Variants in ORC5 observed in about 807,000 individuals in gnomAD.
The protein encoded by ORC5 is origin recognition complex subunit 5, also known as protein phosphatase 1, regulatory subunit 117.
In ORC5, 39 loss-of-function variants were observed where a neutral mutation model predicts 58.8. The ratio of observed to expected loss-of-function variants is 0.66; its 90% CI spans 0.51 to 0.87. ORC5 has a LOEUF of 0.87. Ranked by LOEUF, ORC5 falls within the 40% of genes least tolerant of loss-of-function variation. The pLI, the probability that ORC5 is intolerant of heterozygous loss-of-function variation, is 0.00. For synonymous variants in ORC5, 218 were observed against 177.6 expected (o/e 1.23, Z -1.81); for missense variants, 493 against 506.3 (o/e 0.97, Z 0.25).
intron 3 of ORC5, among the ~76,000 whole-genome samples, chr7:104,198,019 T>G (rs1189542594): frequency 6.6e-6 from 1 of 152,184 alleles, no homozygotes. Flanking sequence ...ATTGAGAGAA[T>G]GGCTTTATTA....
chr7:104,149,906 A>G (rs1038673089), intron 12 of ORC5, among the ~76,000 whole-genome samples: 7 of 152,228 alleles, frequency 4.6e-5, no homozygotes, highest in Admixed American at 3.9e-4. Context: ...TCTGTGTACA[A>G]TATTTTTAGA....
intron 13 of ORC5, among the ~76,000 whole-genome samples, chr7:104,131,493 T>C (rs946218656): frequency 6.6e-6 from 1 of 152,214 alleles, no homozygotes; most frequent in Admixed American, 6.5e-5. Flanking sequence ...CATTTAAATA[T>C]GCTCAAATCT....
chr7:104,146,451 T>C (rs1184112340), intron 12 of ORC5, among the ~76,000 whole-genome samples: 2 of 152,180 alleles, frequency 1.3e-5, no homozygotes, highest in East Asian at 1.9e-4. Flanking sequence ...CTGTGGTATA[T>C]GTATACCACA....
chr7:104,142,036 A>G (rs1189419845), intron 12 of ORC5, among the ~76,000 whole-genome samples: 1 of 152,184 alleles, frequency 6.6e-6, no homozygotes, highest in African/African-American at 2.4e-5. Flanking sequence ...GTAATGGCAT[A>G]AAAACAGACA....
At chr7:104,173,540 T>G (rs1489076551) in intron 8 of ORC5, among the ~76,000 whole-genome samples, 3 of 152,246 alleles carry the variant, frequency 2.0e-5, no homozygotes, top group African/African-American at 7.2e-5. Flanking sequence ...ACTTTCTGCT[T>G]CCGCAGCTCA....
intron 6 of ORC5, chr7:104,187,943 T>G (rs1313529406): frequency 4.9e-6 from 5 of 1,010,292 alleles, no homozygotes; most frequent in Admixed American, 1.1e-4. Flanking sequence ...TTCCTCATTT[T>G]GATTTTTATG....
chr7:104,164,520 G>A lies in ORC5; in HGVS notation c.1038+715C>T, dbSNP rs567322936. ...TCATCGTAGGCTTTGGAGTCAGGAAGTCCTGGAATTGAGCAAAACTGCCTC... is the reference window on the plus strand; with the variant it reads ...TCATCGTAGGCTTTGGAGTCAGGAAATCCTGGAATTGAGCAAAACTGCCTC... On this transcript the variant is annotated intron_variant, in intron 11 of 13. Coordinates refer to ENST00000297431, the MANE Select transcript of ORC5 (RefSeq NM_002553.4). Among the ~76,000 whole-genome samples the A allele has an allele frequency of 5.7e-4, 87 of 152,324 alleles. 1 individual carries two copies. In the South Asian group the frequency reaches 0.018, roughly 31 times the overall value.
chr7:104,132,441 G>C (rs953376728), intron 13 of ORC5, among the ~76,000 whole-genome samples: 3 of 152,156 alleles, frequency 2.0e-5, no homozygotes, highest in African/African-American at 7.2e-5. Flanking sequence ...TTTGTTCTCT[G>C]CCACAGGTGT....
At chr7:104,183,710 A>C (rs1799482559) in intron 8 of ORC5, among the ~76,000 whole-genome samples, 1 of 152,220 alleles carries the variant, frequency 6.6e-6, no homozygotes, top group Non-Finnish European at 1.5e-5. Flanking sequence ...AGCAAAGAAT[A>C]ATTATCTCAA....
intron 8 of ORC5, among the ~76,000 whole-genome samples, chr7:104,173,845 CTT>C (rs71154394): frequency 1.8e-5 from 2 of 111,100 alleles, no homozygotes; most frequent in Non-Finnish European, 1.8e-5. Context: ...AAAATTTTTT[CTT>C]TTTTTTTTTT....
At chr7:104,156,085 G>T (rs1228929941) in intron 12 of ORC5, among the ~76,000 whole-genome samples, 1 of 151,520 alleles carries the variant, frequency 6.6e-6, no homozygotes, top group Non-Finnish European at 1.5e-5. Flanking sequence ...AGAAAGGAAA[G>T]GAGAAAAGAA....
At chr7:104,188,517 A>T (rs906937578) in intron 5 of ORC5, 136 bp from the exon 6 acceptor site, 4 of 580,206 alleles carry the variant, frequency 6.9e-6, no homozygotes, top group African/African-American at 5.5e-5. Flanking sequence ...AACTATTACA[A>T]GATTAGAATA....
chr7:104,206,274 T>A (rs1800080974), intron 1 of ORC5, among the ~76,000 whole-genome samples: 1 of 152,218 alleles, frequency 6.6e-6, no homozygotes, highest in Non-Finnish European at 1.5e-5. Flanking sequence ...CTTAGAAACA[T>A]GAACCAATTT....
chr7:104,136,452 A>G lies in ORC5; in HGVS notation c.1262+329T>C, dbSNP rs192605659. ...AGTCAGCTAAAAAATTTAGGACTTA[A>G]GCCAGCTCTCTCCCATCTTATTTCA... On this transcript the variant is annotated intron_variant, in intron 13 of 13. Coordinates refer to ENST00000297431, the MANE Select transcript of ORC5 (RefSeq NM_002553.4). This position sits in a 1 kb window ranked among gnomAD's most constrained non-coding sequence, Gnocchi z 4.2. 6.6e-6 allele frequency among the ~76,000 whole-genome samples: 1 copy of G among 152,332 alleles called. No individual in the cohort carries two copies. The highest frequency in any genetic ancestry group is 1.5e-5 in the Non-Finnish European group (1 of 68,026).
chr7:104,162,471 T>G (rs1799040966), intron 11 of ORC5, among the ~76,000 whole-genome samples: 1 of 152,242 alleles, frequency 6.6e-6, no homozygotes, highest in Non-Finnish European at 1.5e-5. Context: ...TACAAATAAG[T>G]ACTTTATATT....
Position 104,197,720 on chromosome 7 carries a change from CT to C in ORC5, c.441+4del. The C allele has an allele frequency of 6.3e-7, 1 of 1,586,986 alleles. No individual in the cohort carries two copies. On this transcript the variant is annotated splice_donor_region_variant and intron_variant, in intron 4 of 13. Transcript: ENST00000297431. ...GGGGAGAAAGCACTTTCTCACATTACTTACCAATTCTTGTAATCTAAGAAAT... is the reference window on the plus strand; with the variant it reads ...GGGGAGAAAGCACTTTCTCACATTACTACCAATTCTTGTAATCTAAGAAAT...
rs190632906 is a variant in ORC5, at chr7:104,193,525, C to T, written c.553+1618G>A. On this transcript the variant is annotated intron_variant, in intron 5 of 13. Coordinates refer to ENST00000297431, the MANE Select transcript of ORC5 (RefSeq NM_002553.4). The stretch of plus-strand genomic sequence containing the variant: ...TTCCAAACTGGGCTCCTAGCCATAA[C>T]TGCTAAGAGGAGAGCGGTCCTTAAA... Among the ~76,000 whole-genome samples the T allele has an allele frequency of 2.7e-4, 41 of 152,154 alleles. No individual in the cohort carries two copies. The East Asian group carries it at 7.1e-3, about 26-fold the overall frequency.
intron 5 of ORC5, among the ~76,000 whole-genome samples, chr7:104,194,262 T>C (rs1280605725): frequency 6.6e-6 from 1 of 152,094 alleles, no homozygotes; most frequent in Non-Finnish European, 1.5e-5. Context: ...GAAGGTGTTA[T>C]TTCACTGCTG....
chr7:104,188,195 TAC>T (rs34643155), intron 6 of ORC5, 54 bp downstream of exon 6: 23,350 of 955,408 alleles, frequency 0.024, 1 homozygote, highest in South Asian at 0.037. Flanking sequence ...CATATATGTA[TAC>T]ACACACACAC....
Sources: allele counts gnomAD v4.1 joint callset (sites outside exome capture counted in the v4.1 genomes callset), GRCh38; gene constraint gnomAD v4.1.1; non-coding constraint Gnocchi (gnomAD v3.1); transcripts MANE v1.5; gene names NCBI Gene and HGNC (gene_info 2026-07-23, HGNC 2026-07-21).